KDM4B: variants seen among roughly 807,000 people sequenced by gnomAD.
KDM4B encodes lysine-specific demethylase 4B.
KDM4B carries 32 observed loss-of-function variants against 125.2 expected under a neutral mutation model. The ratio of observed to expected loss-of-function variants is 0.26; its 90% CI spans 0.19 to 0.34. The LOEUF is 0.34. Among genes scored for constraint, KDM4B ranks in the 10% least tolerant of loss-of-function variants. The probability of loss-of-function intolerance (pLI) is 1.00; values close to 1 mark genes in which losing one functional copy is unlikely to be tolerated. For synonymous variants in KDM4B, 721 were observed against 677.9 expected (o/e 1.06, Z -0.99); for missense variants, 1,190 against 1,577.7 (o/e 0.75, Z 4.16).
At chr19:5,088,965 C>T (rs1273355297) in intron 9 of KDM4B, among the ~76,000 whole-genome samples, 1 of 152,204 alleles carries the variant, frequency 6.6e-6, no homozygotes, top group African/African-American at 2.4e-5. Flanking sequence ...CCAGAGGCTA[C>T]ACCGTGCGAG....
At chr19:5,054,843 A>G (rs2037346862) in intron 6 of KDM4B, among the ~76,000 whole-genome samples, 1 of 152,198 alleles carries the variant, frequency 6.6e-6, no homozygotes, top group Admixed American at 6.5e-5. Context: ...AGCCCTCATC[A>G]TCGAGCCCTC....
chr19:5,094,437 G>T (rs908762893), intron 9 of KDM4B, among the ~76,000 whole-genome samples: 4 of 152,230 alleles, frequency 2.6e-5, no homozygotes, highest in African/African-American at 4.8e-5. Flanking sequence ...GTGCGGGGGG[G>T]AGGCACTGGG....
rs866030089 is a variant in KDM4B at position 5,142,822 on chromosome 19, C to T, written c.2551-1145C>T. ...GCCGTCGATCGGCCCTGCTCCAGGCCCTTGGCTTATCTGGCTTTTGAACGT... is the reference window on the plus strand; with the variant it reads ...GCCGTCGATCGGCCCTGCTCCAGGCTCTTGGCTTATCTGGCTTTTGAACGT... On this transcript the variant is annotated intron_variant, in intron 18 of 22. Transcript: ENST00000159111. The surrounding 1 kb of genome is among the most constrained non-coding windows in gnomAD (Gnocchi z 5.4). Among the ~76,000 whole-genome samples, 1 of 151,842 alleles carries T rather than the reference C, an allele frequency of 6.6e-6. No homozygotes were observed. The highest frequency in any genetic ancestry group is 6.6e-5 in the Admixed American group (1 of 15,252).
intron 1 of KDM4B, among the ~76,000 whole-genome samples, chr19:4,999,948 TCCATCCAC>T (rs2035323549): frequency 1.3e-5 from 1 of 75,604 alleles, no homozygotes; most frequent in Non-Finnish European, 2.6e-5. Context: ...CACCTATCCA[TCCATCCAC>T]CCATTTACTC....
intron 6 of KDM4B, among the ~76,000 whole-genome samples, chr19:5,061,535 T>G (rs919100270): frequency 1.3e-5 from 2 of 152,112 alleles, no homozygotes; most frequent in African/African-American, 2.4e-5. Flanking sequence ...GGAGGTGGCC[T>G]TTCCCCAGGA....
In KDM4B at chr19:4,988,614, C is replaced by G. The variant is rs143479921; in HGVS notation, c.-109+19384C>G. Among the ~76,000 whole-genome samples, 360 of 152,292 alleles carry G rather than the reference C, an allele frequency of 2.4e-3. 2 individuals carry two copies. The highest frequency in any genetic ancestry group is 0.01 in the Middle Eastern group (3 of 294). On this transcript the variant is annotated intron_variant, in intron 1 of 22. Coordinates refer to ENST00000159111, the MANE Select transcript of KDM4B (RefSeq NM_015015.3). Reference sequence around the variant, plus strand: ...TTGAGCTTAATTTGCTAATGCACCTCTCAAAACTCAGGGGAGCTGTTACTT... The same window carrying G: ...TTGAGCTTAATTTGCTAATGCACCTGTCAAAACTCAGGGGAGCTGTTACTT...
chr19:5,137,876 G>A (rs1599259510), intron 17 of KDM4B, 86 bp from the exon 18 acceptor site: 5 of 1,254,518 alleles, frequency 4.0e-6, no homozygotes, highest in Non-Finnish European at 5.6e-6. Flanking sequence ...CCCTGACCCA[G>A]CCGACAGCCA....
intron 1 of KDM4B, among the ~76,000 whole-genome samples, chr19:4,998,764 C>T (rs1222933214): frequency 6.6e-6 from 1 of 152,172 alleles, no homozygotes; most frequent in Non-Finnish European, 1.5e-5. Context: ...TCTGGGTTCT[C>T]TGACTCTGAT....
intron 15 of KDM4B, among the ~76,000 whole-genome samples, chr19:5,135,999 C>G (rs546333979): frequency 6.6e-6 from 1 of 152,366 alleles, no homozygotes; most frequent in Non-Finnish European, 1.5e-5. Context: ...AGAAATGGGC[C>G]AGGCACCCCG....
rs549203030 is a variant in KDM4B at position 5,082,653 on chromosome 19, CAG to C, written c.918+154_918+155del. 1.1e-5 allele frequency: 10 copies of C among 898,500 alleles called. 1 individual carries two copies. The highest frequency in any genetic ancestry group is 1.1e-4 in the South Asian group (6 of 55,512). 55.7% of individuals were successfully genotyped at this position (898,500 alleles called of 1,614,324 possible). A position where few individuals can be genotyped will look rare whatever the true frequency, so the allele number is the denominator to read the frequency against. On this transcript the variant is annotated intron_variant, in intron 9 of 22. Transcript: ENST00000159111. The surrounding 1 kb of genome is among the most constrained non-coding windows in gnomAD (Gnocchi z 5.4). ...AACCAGGGTCTGATTCTGGGCTCCT[CAG>C]AGAGCTTTTGCCCAGAACGCTCCTT... is the stretch of plus-strand genomic sequence containing the variant.
At chr19:5,111,830 C>T in intron 10 of KDM4B, 1 of 765,112 alleles carries the variant, frequency 1.3e-6, no homozygotes, top group South Asian at 1.3e-5. Context: ...AAGACCCTTG[C>T]AGATGATAGA....
intron 1 of KDM4B, among the ~76,000 whole-genome samples, chr19:4,988,092 C>T (rs574734036): frequency 2.6e-5 from 4 of 152,298 alleles, no homozygotes; most frequent in East Asian, 3.9e-4. Flanking sequence ...GCGAGCAAAG[C>T]GGTGCAGGGG....
At chr19:4,978,816 C>T (rs1393920340) in intron 1 of KDM4B, among the ~76,000 whole-genome samples, 3 of 152,196 alleles carry the variant, frequency 2.0e-5, no homozygotes, top group Admixed American at 2.0e-4. Flanking sequence ...GCTCGGGCAG[C>T]ATGGCTGTCA....
chr19:4,979,303 AG>A (rs2145313739), intron 1 of KDM4B, among the ~76,000 whole-genome samples: 1 of 152,272 alleles, frequency 6.6e-6, no homozygotes, highest in African/African-American at 2.4e-5. Flanking sequence ...CAAAAAACCA[AG>A]CCCAGGGAAG....
intron 6 of KDM4B, among the ~76,000 whole-genome samples, chr19:5,057,480 G>A (rs555425105): frequency 1.3e-5 from 2 of 152,288 alleles, no homozygotes; most frequent in Non-Finnish European, 2.9e-5. Context: ...AGGCTTCTGC[G>A]AAAGACCTAT....
At chr19:5,148,024 A>G (rs1257110916) in intron 21 of KDM4B, among the ~76,000 whole-genome samples, 2 of 151,148 alleles carry the variant, frequency 1.3e-5, no homozygotes, top group East Asian at 3.9e-4. Context: ...AGTGGCTGAG[A>G]CCCCCACATG....
chr19:5,131,055 C>T, intron 11 of KDM4B, 21 bp from the exon 12 acceptor site: 1 of 1,481,778 alleles, frequency 6.7e-7, no homozygotes, highest in Non-Finnish European at 9.0e-7. Context: ...CCTCCCTGAC[C>T]TCCCTCTCCT....
intron 6 of KDM4B, among the ~76,000 whole-genome samples, chr19:5,068,256 G>A (rs1599548379): frequency 6.6e-6 from 1 of 152,312 alleles, no homozygotes; most frequent in South Asian, 2.1e-4. Context: ...AAGGCTCCCT[G>A]AGTCTCTTGT....
rs796386587 is a variant in KDM4B, at chr19:5,035,884, C to T, written c.141+2853C>T. Among the ~76,000 whole-genome samples the T allele has an allele frequency of 0.45, 40,326 of 90,446 alleles. 6,370 individuals are homozygous for T. Among genetic ancestry groups the T allele is most frequent in the East Asian group, 0.67 (3,092 of 4,618 alleles). 59.3% of individuals were successfully genotyped at this position (90,446 alleles called of 152,430 possible). On this transcript the variant is annotated intron_variant, in intron 3 of 22. Transcript: ENST00000159111. The surrounding 1 kb of genome is among the most constrained non-coding windows in gnomAD (Gnocchi z 5.3). ...GTCTCTGTGTGTGTGTGTGTGTGCG[C>T]GCGCGCGCGCGCCTGCGCGCACAGG...
Sources: allele counts gnomAD v4.1 joint callset (sites outside exome capture counted in the v4.1 genomes callset), GRCh38; gene constraint gnomAD v4.1.1; non-coding constraint Gnocchi (gnomAD v3.1); transcripts MANE v1.5; gene names NCBI Gene and HGNC (gene_info 2026-07-23, HGNC 2026-07-21).